Variants in SNAP91 observed in about 807,000 individuals in gnomAD.
SNAP91 encodes the protein synaptosome associated protein 91.
A neutral mutation model predicts 100.3 loss-of-function variants in SNAP91; 27 were observed. The observed-to-expected ratio is 0.27, with a 90% confidence interval of 0.20 to 0.37. The LOEUF is 0.37. Ranked by LOEUF, SNAP91 falls within the 10% of genes least tolerant of loss-of-function variation. The probability of loss-of-function intolerance (pLI) is 1.00; values close to 1 mark genes in which losing one functional copy is unlikely to be tolerated. For synonymous variants in SNAP91, 404 were observed against 398.6 expected (o/e 1.01, Z -0.16); for missense variants, 986 against 1,123.7 (o/e 0.88, Z 1.75).
At chr6:83,588,082 G>A (rs896335025) in intron 22 of SNAP91, among the ~76,000 whole-genome samples, 2 of 152,150 alleles carry the variant, frequency 1.3e-5, no homozygotes, top group East Asian at 1.9e-4. Flanking sequence ...GCCCATCTGG[G>A]CCTCCCAAAG....
At chr6:83,672,595 T>C (rs1408845470) in intron 2 of SNAP91, among the ~76,000 whole-genome samples, 1 of 152,146 alleles carries the variant, frequency 6.6e-6, no homozygotes, top group African/African-American at 2.4e-5. Flanking sequence ...GCCATATCTG[T>C]ATTTATGGAT....
At chr6:83,593,858 A>T (rs1427096614) in intron 17 of SNAP91, 117 bp from the exon 18 acceptor site, 1 of 1,420,112 alleles carries the variant, frequency 7.0e-7, no homozygotes, top group African/African-American at 1.4e-5. Context: ...GCTAGGTGTG[A>T]GGCTCCTTGG....
chr6:83,598,136 T>C (rs552458632), intron 16 of SNAP91, among the ~76,000 whole-genome samples: 1 of 152,206 alleles, frequency 6.6e-6, no homozygotes, highest in African/African-American at 2.4e-5. Flanking sequence ...AATGTGCTAT[T>C]GTCAGTAAAA....
chr6:83,616,111 T>G (rs958843728), intron 10 of SNAP91, among the ~76,000 whole-genome samples: 5 of 151,864 alleles, frequency 3.3e-5, no homozygotes, highest in Non-Finnish European at 5.9e-5. Flanking sequence ...AAATCATACA[T>G]GTAAAAAAAG....
intron 26 of SNAP91, among the ~76,000 whole-genome samples, chr6:83,564,346 TA>T (rs67987049): frequency 0.022 from 3,170 of 143,524 alleles, 127 homozygotes; most frequent in Admixed American, 0.086. Flanking sequence ...TTTTTTTTTT[TA>T]TATATATATA....
At chr6:83,665,046 A>G (rs1233458784) in intron 3 of SNAP91, among the ~76,000 whole-genome samples, 3 of 152,104 alleles carry the variant, frequency 2.0e-5, no homozygotes, top group South Asian at 2.1e-4. Flanking sequence ...TTAAATTAAG[A>G]TATGTACTTT....
chr6:83,556,397 A>AGAGAGAGAG (rs1562072085), intron 28 of SNAP91, among the ~76,000 whole-genome samples, 152 bp from the exon 29 acceptor site: 48 of 38,164 alleles, frequency 1.3e-3, no homozygotes, highest in Non-Finnish European at 1.8e-3. Flanking sequence ...GAGAGAGAGA[A>AGAGAGAGAG]AAGCATTAGG....
At chr6:83,676,835 T>G (rs2098913458) in intron 2 of SNAP91, among the ~76,000 whole-genome samples, 1 of 151,974 alleles carries the variant, frequency 6.6e-6, no homozygotes, top group Admixed American at 6.6e-5. Context: ...ATAGTTCAGG[T>G]GAGTGGTGTT....
At chr6:83,590,356 G>A (rs1569925) in intron 22 of SNAP91, among the ~76,000 whole-genome samples, 3 of 152,042 alleles carry the variant, frequency 2.0e-5, no homozygotes, top group Non-Finnish European at 2.9e-5. Context: ...CACACACTTT[G>A]TCTTGCTCCC....
chr6:83,689,322 A>G (rs1482704322), intron 2 of SNAP91, among the ~76,000 whole-genome samples: 1 of 152,204 alleles, frequency 6.6e-6, no homozygotes, highest in Admixed American at 6.5e-5. Flanking sequence ...CAGTTTTCAA[A>G]CTGTCATCCA....
At chr6:83,686,245 A>T (rs894964229) in intron 2 of SNAP91, 2 of 957,294 alleles carry the variant, frequency 2.1e-6, no homozygotes, top group African/African-American at 3.5e-5. Flanking sequence ...ACGAAATTAG[A>T]TGAACCCTCA....
At chr6:83,674,817 T>C (rs3798863) in intron 2 of SNAP91, among the ~76,000 whole-genome samples, 3,608 of 152,256 alleles carry the variant, frequency 0.024, 55 homozygotes, top group East Asian at 0.059. Context: ...TTTTATAAAA[T>C]ATAAATTATG....
chr6:83,706,843 G>C (rs2099388881), intron 2 of SNAP91, among the ~76,000 whole-genome samples: 1 of 152,200 alleles, frequency 6.6e-6, no homozygotes, highest in Admixed American at 6.5e-5. Flanking sequence ...GAACTAAATA[G>C]CAACTGCTGA....
chr6:83,689,343 CA>C (rs1562683613), intron 2 of SNAP91, among the ~76,000 whole-genome samples: 1 of 152,074 alleles, frequency 6.6e-6, no homozygotes, highest in East Asian at 1.9e-4. Flanking sequence ...ATTAATCCCT[CA>C]AAATTAAAAA....
chr6:83,707,256 TACCTC>T (rs1364153943), intron 2 of SNAP91, among the ~76,000 whole-genome samples: 1 of 151,708 alleles, frequency 6.6e-6, no homozygotes, highest in Non-Finnish European at 1.5e-5. Context: ...TATGGTAACA[TACCTC>T]ACACACACAC....
Position 83,611,349 on chromosome 6 carries a change from G to A in SNAP91, c.885-672C>T, listed in dbSNP as rs556625152. 749 of 354,110 alleles carry A rather than the reference G, an allele frequency of 2.1e-3. 12 individuals carry two copies. The highest frequency in any genetic ancestry group is 0.015 in the South Asian group (736 of 48,878). 21.9% of individuals were successfully genotyped at this position (354,110 alleles called of 1,614,324 possible). A position where few individuals can be genotyped will look rare whatever the true frequency, so the allele number is the denominator to read the frequency against. On this transcript the variant is annotated intron_variant, in intron 11 of 29. Transcript: ENST00000369694. ...GAAAATGAGGGAAAATTAGGAAGGC[G>A]TGAATTTTAAGTTATATTACTGGTA...
chr6:83,572,770 T>C (rs1810616166), intron 26 of SNAP91, among the ~76,000 whole-genome samples: 2 of 152,222 alleles, frequency 1.3e-5, no homozygotes, highest in South Asian at 4.1e-4. Context: ...TTTCTAATTC[T>C]GCACAGAAGG....
At chr6:83,558,485 T>G (rs490132) in intron 28 of SNAP91, among the ~76,000 whole-genome samples, 1 of 152,156 alleles carries the variant, frequency 6.6e-6, no homozygotes, top group African/African-American at 2.4e-5. Flanking sequence ...AAGGCTAGGG[T>G]TTCTCACATT....
At chr6:83,620,766 C>T (rs2096683422) in intron 9 of SNAP91, among the ~76,000 whole-genome samples, 2 of 151,724 alleles carry the variant, frequency 1.3e-5, no homozygotes, top group Non-Finnish European at 2.9e-5. Flanking sequence ...GGCTGGAGTA[C>T]AGTGGCGCGA....
Sources: gnomAD v4.1 joint callset for allele counts (sites outside exome capture counted in the v4.1 genomes callset) on GRCh38, gnomAD v4.1.1 for gene constraint, MANE v1.5 for transcripts, NCBI Gene and HGNC (gene_info 2026-07-23, HGNC 2026-07-21) for gene names.